NEDD4L: variants seen among roughly 807,000 people sequenced by gnomAD.
NEDD4L encodes the protein NEDD4 like E3 ubiquitin protein ligase.
NEDD4L carries 54 observed loss-of-function variants against 148.9 expected under a neutral mutation model. The observed-to-expected ratio is 0.36, with a 90% CI of 0.29 to 0.45. The LOEUF (loss-of-function observed/expected upper bound fraction) is 0.45. NEDD4L is among the 20% of genes least tolerant of loss of function. The probability of loss-of-function intolerance (pLI) is 1.00; values close to 1 mark genes in which losing one functional copy is unlikely to be tolerated. For missense variants in NEDD4L, 856 were observed against 1,233.8 expected (o/e 0.69, Z 4.59); for synonymous variants, 433 against 440.7 (o/e 0.98, Z 0.22).
At chr18:58,389,301 G>A (rs2049474179) in intron 28 of NEDD4L, 109 bp downstream of exon 28, 2 of 780,250 alleles carry the variant, frequency 2.6e-6, no homozygotes, top group African/African-American at 3.5e-5. Context: ...TGGCTTTGGG[G>A]TCTGTTAGAG....
chr18:58,081,448 C>T (rs1272068432), intron 1 of NEDD4L, among the ~76,000 whole-genome samples: 1 of 152,042 alleles, frequency 6.6e-6, no homozygotes, highest in Non-Finnish European at 1.5e-5. Flanking sequence ...ATCTCCTGAC[C>T]TCCTGATCCA....
intron 5 of NEDD4L, among the ~76,000 whole-genome samples, chr18:58,291,112 C>T (rs893440898): frequency 4.0e-5 from 6 of 151,386 alleles, no homozygotes; most frequent in Admixed American, 6.6e-5. Flanking sequence ...AGAACCAGGC[C>T]GACCGACCCA....
At chr18:58,055,086 T>C (rs1161593938) in intron 1 of NEDD4L, among the ~76,000 whole-genome samples, 1 of 152,144 alleles carries the variant, frequency 6.6e-6, no homozygotes. Flanking sequence ...ACCAGTATAA[T>C]ATTAAATAGA....
chr18:58,255,335 G>T, intron 5 of NEDD4L: 1 of 256,078 alleles, frequency 3.9e-6, no homozygotes, highest in Non-Finnish European at 7.1e-6. Context: ...AAAAAAGAGC[G>T]AGTAGGGGAA....
chr18:58,129,378 T>A (rs527409885), intron 1 of NEDD4L, among the ~76,000 whole-genome samples: 63 of 152,376 alleles, frequency 4.1e-4, no homozygotes, highest in African/African-American at 1.4e-3. Flanking sequence ...GATGTGTTCA[T>A]GTCCTGGGAT....
At position 58,065,826 on chromosome 18, in the gene NEDD4L, A is replaced by T. The variant is rs374797818; in HGVS notation, c.48+21118A>T. Among the ~76,000 whole-genome samples, 223 of 152,344 alleles carry T rather than the reference A, an allele frequency of 1.5e-3. 7 individuals are homozygous for T. The South Asian group carries it at 0.041, about 28-fold the overall frequency. Reference sequence around the variant, plus strand: ...TAGAAGTTAAGTTTATTCCCTGGGAAAAAACGTGTTTGCCACCACACAGAG... The same window carrying T: ...TAGAAGTTAAGTTTATTCCCTGGGATAAAACGTGTTTGCCACCACACAGAG... On this transcript the variant is annotated intron_variant, in intron 1 of 30. Transcript: ENST00000400345.
intron 1 of NEDD4L, among the ~76,000 whole-genome samples, 171 bp downstream of exon 1, chr18:58,044,879 C>A (rs562111262): frequency 6.6e-6 from 1 of 152,286 alleles, no homozygotes; most frequent in African/African-American, 2.4e-5. Context: ...TCCTTCCGCA[C>A]CCCCCACCCT....
chr18:58,078,151 A>G (rs1157588955), intron 1 of NEDD4L, among the ~76,000 whole-genome samples: 1 of 149,984 alleles, frequency 6.7e-6, no homozygotes, highest in Non-Finnish European at 1.5e-5. Context: ...ACCTTTAGAG[A>G]CAATCTCATC....
chr18:58,390,666 C>A lies in NEDD4L; in HGVS notation c.2676C>A (p.Ala892=). The A allele has an allele frequency of 6.3e-7, 1 of 1,590,740 alleles. No homozygotes were observed. Among genetic ancestry groups the A allele is most frequent in the East Asian group, 2.3e-5 (1 of 44,082 alleles). Residue 892 remains alanine (A), a synonymous_variant, in exon 29 of 31, where the codon GCC becomes GCA. Coordinates refer to ENST00000400345, the MANE Select transcript of NEDD4L (RefSeq NM_001144967.3). ...WFWKAVLLMD[A]EKRIRLLQFV... is the part of the protein sequence containing the mutation. ...CATAGGCTGTGCTACTCATGGACGC[C>A]GAAAAGCGTATCCGGTTACTGCAGT... is the stretch of plus-strand genomic sequence containing the variant.
chr18:58,177,690 G>T (rs879801841), intron 2 of NEDD4L, among the ~76,000 whole-genome samples: 1 of 152,182 alleles, frequency 6.6e-6, no homozygotes, highest in Non-Finnish European at 1.5e-5. Flanking sequence ...TTTTAAAAAC[G>T]CACAATCTTG....
intron 2 of NEDD4L, among the ~76,000 whole-genome samples, chr18:58,226,869 G>A (rs1046527942): frequency 2.2e-4 from 33 of 152,018 alleles, no homozygotes; most frequent in African/African-American, 6.5e-4. Flanking sequence ...CTGTGATGCC[G>A]CTGTGTTACC....
In NEDD4L at chr18:58,256,050, C is replaced by G. The variant is rs1600303330; in HGVS notation, c.297+3996C>G. 8.1e-7 allele frequency: 1 copy of G among 1,229,360 alleles called. No individual in the cohort carries two copies. Among genetic ancestry groups the G allele is most frequent in the South Asian group, 4.1e-5 (1 of 24,304 alleles). The allele number at this position is 1,229,360 out of a possible 1,614,324, so 76.2% of individuals were successfully genotyped here. ...TCCGCCACTGCCACCACGAGGGCCTCGCCCCAGAGTGGCTCCCGGGAGCCC... is the reference window on the plus strand; with the variant it reads ...TCCGCCACTGCCACCACGAGGGCCTGGCCCCAGAGTGGCTCCCGGGAGCCC... On this transcript the variant is annotated intron_variant, in intron 5 of 30. Transcript: ENST00000400345. The surrounding 1 kb of genome is among the most constrained non-coding windows in gnomAD (Gnocchi z 5.2).
At chr18:58,278,186 G>A (rs1600609963) in intron 5 of NEDD4L, among the ~76,000 whole-genome samples, 1 of 152,166 alleles carries the variant, frequency 6.6e-6, no homozygotes, top group Admixed American at 6.5e-5. Context: ...ATTCAGATAG[G>A]CTTTCTCTCC....
At chr18:58,107,735 A>AG (rs11405559) in intron 1 of NEDD4L, among the ~76,000 whole-genome samples, 3 of 151,702 alleles carry the variant, frequency 2.0e-5, no homozygotes, top group Non-Finnish European at 2.9e-5. Context: ...AAAAAAAAAA[A>AG]GGCTTTCAAC....
intron 1 of NEDD4L, among the ~76,000 whole-genome samples, chr18:58,071,343 G>T (rs900157306): frequency 1.3e-5 from 2 of 152,074 alleles, no homozygotes; most frequent in African/African-American, 4.8e-5. Context: ...TGACCAAACA[G>T]AGAATGGGAA....
intron 5 of NEDD4L, among the ~76,000 whole-genome samples, chr18:58,272,066 C>T (rs1343411351): frequency 2.0e-5 from 3 of 152,130 alleles, no homozygotes; most frequent in African/African-American, 7.2e-5. Context: ...AATAGAAAAA[C>T]CTTATTACTT....
intron 2 of NEDD4L, among the ~76,000 whole-genome samples, chr18:58,167,030 G>A (rs1230815334): frequency 6.6e-6 from 1 of 152,132 alleles, no homozygotes; most frequent in East Asian, 1.9e-4. Context: ...TACTAAAATG[G>A]CACCAAAAGA....
At chr18:58,216,524 G>A (rs2043170891) in intron 2 of NEDD4L, among the ~76,000 whole-genome samples, 1 of 152,192 alleles carries the variant, frequency 6.6e-6, no homozygotes, top group Admixed American at 6.5e-5. Flanking sequence ...ATTCAGAATG[G>A]AGAGGAGGAG....
rs1358170638 is a variant in NEDD4L at position 58,399,600 on chromosome 18, C to T, written c.*3331C>T. The T allele has an allele frequency of 1.3e-5, 2 of 152,316 alleles. No individual in the cohort carries two copies. Among genetic ancestry groups the T allele is most frequent in the Admixed American group, 6.5e-5 (1 of 15,276 alleles). 9.4% of individuals were successfully genotyped at this position (152,316 alleles called of 1,614,324 possible). On this transcript the variant is annotated 3_prime_UTR_variant, in exon 31 of 31. Coordinates refer to ENST00000400345, the MANE Select transcript of NEDD4L (RefSeq NM_001144967.3). ...CTCCTGGCTTCAAGCGATTCTTCTGCCTCAGCCTCCCCGAATAGTTGGGAT... is the reference window on the plus strand; with the variant it reads ...CTCCTGGCTTCAAGCGATTCTTCTGTCTCAGCCTCCCCGAATAGTTGGGAT...
Sources: gnomAD v4.1 joint callset for allele counts (sites outside exome capture counted in the v4.1 genomes callset) on GRCh38, gnomAD v4.1.1 for gene constraint, Gnocchi (gnomAD v3.1) non-coding constraint, MANE v1.5 for transcripts, NCBI Gene and HGNC (gene_info 2026-07-23, HGNC 2026-07-21) for gene names.